PTPRT: variants seen among roughly 807,000 people sequenced by gnomAD.
The protein encoded by PTPRT is receptor-type tyrosine-protein phosphatase T.
In PTPRT, 56 loss-of-function variants were observed where a neutral mutation model predicts 176.8. That is an observed-to-expected ratio of 0.32 (90% CI 0.26 to 0.40). The LOEUF is 0.40. Ranked by LOEUF, PTPRT falls within the 10% of genes least tolerant of loss-of-function variation. PTPRT has a pLI of 1.00. For synonymous variants in PTPRT, 783 were observed against 739.0 expected (o/e 1.06, Z -0.96); for missense variants, 1,540 against 1,908.2 (o/e 0.81, Z 3.60).
intron 7 of PTPRT, among the ~76,000 whole-genome samples, chr20:42,667,804 A>T (rs1339556018): frequency 2.0e-5 from 3 of 152,194 alleles, no homozygotes. Context: ...TCAGGGTGCC[A>T]CTTTGCTTCC....
intron 9 of PTPRT, among the ~76,000 whole-genome samples, chr20:42,395,375 T>C (rs1053633821): frequency 6.6e-6 from 1 of 152,178 alleles, no homozygotes; most frequent in African/African-American, 2.4e-5. Flanking sequence ...CCAACTCTTC[T>C]ATGTGTGAGT....
chr20:42,263,156 A>T (rs761601273), intron 13 of PTPRT, among the ~76,000 whole-genome samples: 3 of 152,170 alleles, frequency 2.0e-5, no homozygotes, highest in Admixed American at 1.3e-4. Flanking sequence ...CAGGCTAGTT[A>T]TCCCAAAGCA....
chr20:43,064,001 TG>T (rs1222364439), intron 1 of PTPRT, among the ~76,000 whole-genome samples: 1 of 151,972 alleles, frequency 6.6e-6, no homozygotes. Flanking sequence ...TATTTACCCG[TG>T]GACTTTCCAT....
At chr20:42,556,457 C>T (rs920244449) in intron 7 of PTPRT, among the ~76,000 whole-genome samples, 6 of 152,114 alleles carry the variant, frequency 3.9e-5, no homozygotes, top group African/African-American at 9.7e-5. Flanking sequence ...TGGATATTGG[C>T]GGTGGAAACC....
chr20:42,814,358 G>C (rs2077745986), intron 2 of PTPRT, among the ~76,000 whole-genome samples: 1 of 152,126 alleles, frequency 6.6e-6, no homozygotes, highest in Non-Finnish European at 1.5e-5. Flanking sequence ...GCAAATATCT[G>C]AGTCACACTT....
chr20:42,851,273 T>A (rs2078464625), intron 2 of PTPRT, among the ~76,000 whole-genome samples: 2 of 152,216 alleles, frequency 1.3e-5, no homozygotes, highest in East Asian at 3.8e-4. Context: ...ATAACTGAGT[T>A]ACTACTTTCT....
At position 42,532,962 on chromosome 20, in the gene PTPRT, C is replaced by T. The variant is rs114852705; in HGVS notation, c.1154-60400G>A. Among the ~76,000 whole-genome samples the T allele has an allele frequency of 4.6e-3, 696 of 152,222 alleles. 4 individuals carry two copies. Among genetic ancestry groups the T allele is most frequent in the African/African-American group, 0.016 (664 of 41,524 alleles). On this transcript the variant is annotated intron_variant, in intron 7 of 30. Transcript: ENST00000373187. ...GTCGTTTAGCAGAGCCTCTCAAATCCCCACTCTTAATGCAGGGAGAGTTAT... is the reference window on the plus strand; with the variant it reads ...GTCGTTTAGCAGAGCCTCTCAAATCTCCACTCTTAATGCAGGGAGAGTTAT...
At chr20:43,010,002 C>G (rs1388362888) in intron 1 of PTPRT, among the ~76,000 whole-genome samples, 6 of 152,142 alleles carry the variant, frequency 3.9e-5, no homozygotes, top group Admixed American at 3.9e-4. Context: ...ACCAAACCAG[C>G]TCTTCCTTCT....
intron 16 of PTPRT, among the ~76,000 whole-genome samples, chr20:42,198,048 G>A (rs1437576060): frequency 1.3e-5 from 2 of 152,256 alleles, no homozygotes; most frequent in East Asian, 3.9e-4. Context: ...TTTTGATTCA[G>A]GAGATAAGGT....
chr20:42,436,951 T>TA (rs1207509521), intron 9 of PTPRT, among the ~76,000 whole-genome samples: 2 of 152,280 alleles, frequency 1.3e-5, no homozygotes, highest in African/African-American at 4.8e-5. Context: ...AATCCTTTAT[T>TA]AAAAGTTAAA....
chr20:43,134,104 T>C (rs1334273416), intron 1 of PTPRT, among the ~76,000 whole-genome samples: 4 of 152,232 alleles, frequency 2.6e-5, no homozygotes, highest in East Asian at 3.9e-4. Flanking sequence ...ACCATAAAGA[T>C]ATAGTCAGCC....
At chr20:43,065,526 G>A (rs1263283798) in intron 1 of PTPRT, among the ~76,000 whole-genome samples, 1 of 152,222 alleles carries the variant, frequency 6.6e-6, no homozygotes, top group Non-Finnish European at 1.5e-5. Context: ...GTGGGGGAGG[G>A]AGTGTCTCAC....
intron 3 of PTPRT, among the ~76,000 whole-genome samples, chr20:42,788,631 T>C (rs1196455850): frequency 6.6e-6 from 1 of 152,158 alleles, no homozygotes; most frequent in East Asian, 1.9e-4. Flanking sequence ...TTATATCTCA[T>C]TATTTACTCC....
chr20:42,988,528 A>G (rs1189937755), intron 1 of PTPRT, among the ~76,000 whole-genome samples: 1 of 152,142 alleles, frequency 6.6e-6, no homozygotes, highest in Non-Finnish European at 1.5e-5. Flanking sequence ...ATGTGCTGCA[A>G]GCAGCTCGGT....
At chr20:42,885,357 A>G (rs1724484761) in intron 2 of PTPRT, among the ~76,000 whole-genome samples, 1 of 147,518 alleles carries the variant, frequency 6.8e-6, no homozygotes. Context: ...ATAATAGATA[A>G]TAATATGATA....
At chr20:42,514,767 C>A (rs140929184) in intron 7 of PTPRT, among the ~76,000 whole-genome samples, 37 of 152,232 alleles carry the variant, frequency 2.4e-4, no homozygotes, top group African/African-American at 8.7e-4. Context: ...GTGATAGGAT[C>A]CCAGCAATTT....
intron 1 of PTPRT, among the ~76,000 whole-genome samples, chr20:43,087,315 G>C: frequency 6.7e-6 from 1 of 150,146 alleles, no homozygotes; most frequent in East Asian, 2.0e-4. Flanking sequence ...AATGGTGCTG[G>C]TGGCCTCACA....
At position 42,362,685 on chromosome 20, in the gene PTPRT, A is replaced by C. The variant is rs1009962786; in HGVS notation, c.1561-10400T>G. 2.6e-5 allele frequency among the ~76,000 whole-genome samples: 4 copies of C among 152,268 alleles called. No individual in the cohort carries two copies. The East Asian group carries it at 7.7e-4, about 29-fold the overall frequency. On this transcript the variant is annotated intron_variant, in intron 9 of 30. Coordinates refer to ENST00000373187, the MANE Select transcript of PTPRT (RefSeq NM_007050.6). ...GTAGCTTAAAGTATCTATCAATGTT[A>C]ATTTCCTGGTTTCAGTCACTATCCT... is the stretch of plus-strand genomic sequence containing the variant.
chr20:42,725,836 T>C (rs1253671315), intron 6 of PTPRT, among the ~76,000 whole-genome samples: 1 of 151,848 alleles, frequency 6.6e-6, no homozygotes, highest in Non-Finnish European at 1.5e-5. Context: ...CAAATTAATA[T>C]ACATCATTCT....
Sources: gnomAD v4.1 joint callset for allele counts (sites outside exome capture counted in the v4.1 genomes callset) on GRCh38, gnomAD v4.1.1 for gene constraint, MANE v1.5 for transcripts, NCBI Gene and HGNC (gene_info 2026-07-23, HGNC 2026-07-21) for gene names.